ANXA6: variants seen among roughly 807,000 people sequenced by gnomAD.
ANXA6 encodes 67 kDa calelectrin.
ANXA6 carries 71 observed loss-of-function variants against 95.4 expected under a neutral mutation model. The ratio of observed to expected loss-of-function variants is 0.74; its 90% CI spans 0.61 to 0.91. The LOEUF is 0.91. Ranked by LOEUF, ANXA6 falls within the 40% of genes least tolerant of loss-of-function variation. The pLI, the probability that ANXA6 is intolerant of heterozygous loss-of-function variation, is 0.00. For missense variants in ANXA6, 830 were observed against 876.4 expected, an observed-to-expected ratio of 0.95 and a Z score of 0.67; for synonymous variants, 289 against 315.9, an observed-to-expected ratio of 0.91 and a Z score of 0.90.
intron 14 of ANXA6, 99 bp downstream of exon 14, chr5:151,126,303 G>T: frequency 9.9e-7 from 1 of 1,005,454 alleles, no homozygotes; most frequent in Non-Finnish European, 1.5e-6. Context: ...GTGTCGGGTT[G>T]GCCGCCAGGG....
At position 151,141,654 on chromosome 5, in the gene ANXA6, C is replaced by G. The variant is rs1040187283; in HGVS notation, c.19-1411G>C. The G allele has an allele frequency of 5.1e-6, 5 of 985,366 alleles. No individual in the cohort carries two copies. In the Admixed American group the frequency reaches 1.8e-4, roughly 36 times the overall value. The allele number at this position is 985,366 out of a possible 1,614,324, so 61.0% of individuals were successfully genotyped here. A position where few individuals can be genotyped will look rare whatever the true frequency, so the allele number is the denominator to read the frequency against. On this transcript the variant is annotated intron_variant, in intron 2 of 25. Coordinates refer to ENST00000354546, the MANE Select transcript of ANXA6 (RefSeq NM_001155.5). Reference sequence around the variant, plus strand: ...CAGGCCTCTGGATGCTCTCTGGTCTCTGTCTGCAGAGGCTGGCTCCTCTGA... The same window carrying G: ...CAGGCCTCTGGATGCTCTCTGGTCTGTGTCTGCAGAGGCTGGCTCCTCTGA...
Position 151,117,166 on chromosome 5 carries a change from C to A in ANXA6, c.1533G>T (p.Glu511Asp), listed in dbSNP as rs1443175246. The change falls in exon 20 of 26, where the codon GAG becomes GAT. Residue 511 changes from glutamate (E) to aspartate (D), a missense_variant. Physicochemically the swap from Glu to Asp is conservative, Grantham distance 45. Transcript: ENST00000354546. Reference sequence around the variant, plus strand: ...GTGCCTGGTCCAGGTTTTCTCCTCCCTCCTCACGATGCCCCTGCAGCAGGA... The same window carrying A: ...GTGCCTGGTCCAGGTTTTCTCCTCCATCCTCACGATGCCCCTGCAGCAGGA... Reference protein sequence around the residue: ...LISLATGHREEGGENLDQARE... With the variant: ...LISLATGHREDGGENLDQARE... 7 of 1,593,522 alleles carry A rather than the reference C, an allele frequency of 4.4e-6. No individual in the cohort carries two copies. In the Admixed American group the frequency reaches 1.0e-4, roughly 23 times the overall value.
intron 25 of ANXA6, among the ~76,000 whole-genome samples, chr5:151,101,969 C>T (rs1399453224): frequency 6.6e-6 from 1 of 152,228 alleles, no homozygotes; most frequent in Non-Finnish European, 1.5e-5. Flanking sequence ...CTGATACCCT[C>T]CCCCATGGCC....
At chr5:151,110,521 G>T in intron 21 of ANXA6, 106 bp downstream of exon 21, 1 of 1,277,990 alleles carries the variant, frequency 7.8e-7, no homozygotes, top group Middle Eastern at 1.9e-4. Context: ...GAGAGAAGCC[G>T]CACAGCAAGC....
chr5:151,153,703 C>T (rs917049445), intron 1 of ANXA6, among the ~76,000 whole-genome samples: 10 of 152,216 alleles, frequency 6.6e-5, no homozygotes, highest in Admixed American at 6.5e-5. Context: ...AATTCTAATA[C>T]ATACTCCTTG....
At chr5:151,125,891 C>T (rs559215287) in intron 14 of ANXA6, among the ~76,000 whole-genome samples, 6 of 152,054 alleles carry the variant, frequency 3.9e-5, no homozygotes, top group Admixed American at 1.3e-4. Context: ...GGTTACATAG[C>T]GAATAAGTAA....
chr5:151,119,487 C>T, intron 17 of ANXA6, 97 bp from the exon 18 acceptor site: 2 of 1,038,818 alleles, frequency 1.9e-6, no homozygotes, highest in Non-Finnish European at 3.0e-6. Flanking sequence ...CCAAGCATTC[C>T]TGGATTTTCT....
chr5:151,156,527 A>G (rs1021106512), intron 1 of ANXA6, among the ~76,000 whole-genome samples: 2 of 152,162 alleles, frequency 1.3e-5, no homozygotes, highest in African/African-American at 2.4e-5. Context: ...AGCAATCCCA[A>G]GCATGTTTTG....
intron 20 of ANXA6, among the ~76,000 whole-genome samples, chr5:151,113,519 A>T (rs1764910250): frequency 1.3e-5 from 2 of 152,252 alleles, no homozygotes; most frequent in Non-Finnish European, 2.9e-5. Context: ...AGAGAGAGGG[A>T]CATGTTTAAA....
intron 16 of ANXA6, 68 bp downstream of exon 16, chr5:151,122,849 G>A: frequency 7.0e-7 from 1 of 1,420,888 alleles, no homozygotes; most frequent in East Asian, 2.3e-5. Context: ...GAACCGATGG[G>A]GACAGGCTGA....
chr5:151,145,754 C>T (rs1443256398), intron 2 of ANXA6, among the ~76,000 whole-genome samples: 7 of 152,130 alleles, frequency 4.6e-5, no homozygotes, highest in Admixed American at 4.6e-4. Context: ...TCACATTTCT[C>T]TGTTATTGTC....
chr5:151,132,929 A>C lies in ANXA6; in HGVS notation c.640+165T>G, dbSNP rs539804455. Among the ~76,000 whole-genome samples the C allele has an allele frequency of 2.3e-4, 35 of 150,444 alleles. No homozygotes were observed. In the South Asian group the frequency reaches 6.8e-3, roughly 29 times the overall value. On this transcript the variant is annotated intron_variant, in intron 9 of 25. Coordinates refer to ENST00000354546, the MANE Select transcript of ANXA6 (RefSeq NM_001155.5). Reference sequence around the variant, plus strand: ...TGCCATTCCTTTAAAAACGGCAAAAACCGCAGTTACTTTTGCACCAACCTA... The same window carrying C: ...TGCCATTCCTTTAAAAACGGCAAAACCCGCAGTTACTTTTGCACCAACCTA...
chr5:151,136,386 CT>C, intron 6 of ANXA6, 51 bp from the exon 7 acceptor site: 1 of 1,569,454 alleles, frequency 6.4e-7, no homozygotes, highest in South Asian at 1.1e-5. Flanking sequence ...CCTCAGGGAT[CT>C]AGGATAAAGG....
chr5:151,115,188 A>G (rs1764962913), intron 20 of ANXA6, among the ~76,000 whole-genome samples: 1 of 152,248 alleles, frequency 6.6e-6, no homozygotes, highest in Admixed American at 6.5e-5. Context: ...TGTCAGAAAT[A>G]AAGAATCCAC....
intron 25 of ANXA6, 107 bp from the exon 26 acceptor site, chr5:151,101,614 G>A (rs1764553989): frequency 1.1e-6 from 1 of 941,350 alleles, no homozygotes; most frequent in Non-Finnish European, 1.7e-6. Flanking sequence ...TTCTCTCCAT[G>A]ACCAACATAG....
intron 1 of ANXA6, among the ~76,000 whole-genome samples, chr5:151,154,663 C>A (rs191727194): frequency 2.0e-5 from 3 of 152,170 alleles, no homozygotes; most frequent in Non-Finnish European, 4.4e-5. Flanking sequence ...TGGCTCTGTG[C>A]GTGGGCACAC....
chr5:151,148,559 C>T (rs563100968), intron 1 of ANXA6, among the ~76,000 whole-genome samples: 4 of 152,338 alleles, frequency 2.6e-5, no homozygotes, highest in African/African-American at 9.6e-5. Flanking sequence ...TCAGGCATTG[C>T]TCTGGGCACT....
intron 2 of ANXA6, among the ~76,000 whole-genome samples, chr5:151,144,299 A>C (rs1328925281): frequency 1.3e-5 from 2 of 152,216 alleles, no homozygotes; most frequent in African/African-American, 2.4e-5. Context: ...ATGTAGATTA[A>C]AAACAGTCAA....
chr5:151,141,567 T>G (rs537976529), intron 2 of ANXA6: 9 of 985,524 alleles, frequency 9.1e-6, no homozygotes, highest in Non-Finnish European at 1.1e-5. Context: ...GAGTGAGTCC[T>G]GGACCGCCTC....
Sources: gnomAD v4.1 joint callset for allele counts (sites outside exome capture counted in the v4.1 genomes callset) on GRCh38, gnomAD v4.1.1 for gene constraint, MANE v1.5 for transcripts, NCBI Gene and HGNC (gene_info 2026-07-23, HGNC 2026-07-21) for gene names.